Variants in CAMK1D observed in about 807,000 individuals in gnomAD.
CAMK1D encodes calcium/calmodulin-dependent protein kinase type 1D.
Under a neutral mutation model 47.7 loss-of-function variants are expected in CAMK1D, and 9 were observed. The ratio of observed to expected loss-of-function variants is 0.19; its 90% CI spans 0.11 to 0.33. The LOEUF is 0.33. CAMK1D is among the 10% of genes least tolerant of loss of function. The probability of loss-of-function intolerance (pLI) is 1.00; values close to 1 mark genes in which losing one functional copy is unlikely to be tolerated. For missense variants in CAMK1D, 291 were observed against 488.7 expected (o/e 0.60, Z 3.81); for synonymous variants, 184 against 184.9 (o/e 0.99, Z 0.04).
chr10:12,484,200 G>A lies in CAMK1D; in HGVS notation c.93-69025G>A, dbSNP rs141674480. Among the ~76,000 whole-genome samples the A allele has an allele frequency of 5.4e-3, 821 of 152,260 alleles. 6 individuals carry two copies. Among genetic ancestry groups the A allele is most frequent in the African/African-American group, 0.018 (765 of 41,538 alleles). Reference sequence around the variant, plus strand: ...ATGCACCAGCTGGGCTCTGAGCTCCGGCTCAGCCTCCTCCCTGCTTTCAGC... The same window carrying A: ...ATGCACCAGCTGGGCTCTGAGCTCCAGCTCAGCCTCCTCCCTGCTTTCAGC... On this transcript the variant is annotated intron_variant, in intron 1 of 10. Transcript: ENST00000619168.
intron 2 of CAMK1D, among the ~76,000 whole-genome samples, chr10:12,605,378 AAG>A (rs201134594): frequency 0.015 from 1,556 of 100,786 alleles, 27 homozygotes; most frequent in African/African-American, 0.047. Context: ...ATGTGTGTCA[AAG>A]AGAGAGACAG....
chr10:12,828,405 C>T (rs533442220), intron 10 of CAMK1D, among the ~76,000 whole-genome samples: 72 of 152,252 alleles, frequency 4.7e-4, no homozygotes, highest in Admixed American at 1.9e-3. Context: ...CTTTGGGAGG[C>T]TGAGGTGGGT....
At chr10:12,801,354 T>TA (rs57429397) in intron 6 of CAMK1D, among the ~76,000 whole-genome samples, 13 of 66,566 alleles carry the variant, frequency 2.0e-4, no homozygotes, top group South Asian at 1.6e-3. Context: ...TCTATCTATC[T>TA]TATCTATCTA....
At chr10:12,629,886 C>T (rs1054515153) in intron 2 of CAMK1D, among the ~76,000 whole-genome samples, 1 of 152,146 alleles carries the variant, frequency 6.6e-6, no homozygotes, top group Non-Finnish European at 1.5e-5. Context: ...CCTCCCAGGG[C>T]AGTGAATGAA....
At chr10:12,699,222 G>T (rs1012706388) in intron 3 of CAMK1D, among the ~76,000 whole-genome samples, 1 of 152,060 alleles carries the variant, frequency 6.6e-6, no homozygotes, top group African/African-American at 2.4e-5. Context: ...TTATTTTATG[G>T]CCTTCCAGAA....
intron 2 of CAMK1D, among the ~76,000 whole-genome samples, chr10:12,627,207 G>T (rs570050581): frequency 1.1e-4 from 17 of 150,996 alleles, no homozygotes; most frequent in Non-Finnish European, 1.5e-4. Flanking sequence ...TCAGCTTCCC[G>T]AGTAGCTGGG....
intron 3 of CAMK1D, among the ~76,000 whole-genome samples, chr10:12,668,390 CTTGT>C (rs1840500486): frequency 1.3e-5 from 2 of 152,182 alleles, no homozygotes; most frequent in South Asian, 4.1e-4. Flanking sequence ...TATGGATCTA[CTTGT>C]TTAAGTTTTG....
At chr10:12,623,604 G>C (rs1053748953) in intron 2 of CAMK1D, among the ~76,000 whole-genome samples, 1 of 150,688 alleles carries the variant, frequency 6.6e-6, no homozygotes, top group Non-Finnish European at 1.5e-5. Context: ...AACATTCTGA[G>C]GAACAAACTT....
In CAMK1D at chr10:12,734,420, A is replaced by G. The variant is rs1300837689; in HGVS notation, c.300-26528A>G. 7.0e-5 allele frequency among the ~76,000 whole-genome samples: 3 copies of G among 42,702 alleles called. No homozygotes were observed. In the South Asian group the frequency reaches 2.1e-3, roughly 30 times the overall value. 28.0% of individuals were successfully genotyped at this position (42,702 alleles called of 152,430 possible). A position where few individuals can be genotyped will look rare whatever the true frequency, so the allele number is the denominator to read the frequency against. On this transcript the variant is annotated intron_variant, in intron 3 of 10. Coordinates refer to ENST00000619168, the MANE Select transcript of CAMK1D (RefSeq NM_153498.4). ...TATATATATATACACACACACACAC[A>G]TGTATATATATATACACACACACAT...
chr10:12,435,192 C>T (rs1330656634), intron 1 of CAMK1D, among the ~76,000 whole-genome samples: 2 of 133,528 alleles, frequency 1.5e-5, no homozygotes, highest in East Asian at 2.2e-4. Flanking sequence ...CACTGCACTC[C>T]GGCATGGGCG....
chr10:12,786,446 C>T (rs1311837743), intron 5 of CAMK1D, among the ~76,000 whole-genome samples: 3 of 152,308 alleles, frequency 2.0e-5, no homozygotes, highest in Non-Finnish European at 4.4e-5. Flanking sequence ...AAATTTCCAT[C>T]GCCAATATTG....
At chr10:12,419,637 A>G (rs936633013) in intron 1 of CAMK1D, among the ~76,000 whole-genome samples, 2 of 103,652 alleles carry the variant, frequency 1.9e-5, no homozygotes, top group East Asian at 6.7e-4. Flanking sequence ...CAGAAGAGAA[A>G]ATGCACACAC....
intron 2 of CAMK1D, among the ~76,000 whole-genome samples, chr10:12,555,530 G>T (rs1836733186): frequency 6.6e-6 from 1 of 152,196 alleles, no homozygotes; most frequent in Non-Finnish European, 1.5e-5. Context: ...GAGAATCTGG[G>T]AAAACAAATT....
At chr10:12,466,311 G>A (rs1833587740) in intron 1 of CAMK1D, among the ~76,000 whole-genome samples, 1 of 152,190 alleles carries the variant, frequency 6.6e-6, no homozygotes, top group African/African-American at 2.4e-5. Context: ...GGGAGGCTGA[G>A]GCAGGAGAAT....
chr10:12,782,454 T>C (rs905309701), intron 5 of CAMK1D, among the ~76,000 whole-genome samples: 1 of 152,180 alleles, frequency 6.6e-6, no homozygotes, highest in African/African-American at 2.4e-5. Flanking sequence ...CTTAATTTTA[T>C]TTTTCCTGAT....
chr10:12,431,144 T>C (rs538633933), intron 1 of CAMK1D, among the ~76,000 whole-genome samples: 2 of 152,360 alleles, frequency 1.3e-5, no homozygotes, highest in South Asian at 4.1e-4. Context: ...AATTATGCTT[T>C]CTCCACCTTG....
intron 2 of CAMK1D, among the ~76,000 whole-genome samples, chr10:12,616,983 G>A (rs949121717): frequency 2.6e-5 from 4 of 151,990 alleles, no homozygotes; most frequent in Non-Finnish European, 2.9e-5. Context: ...GTGGTGACTG[G>A]AAGTGTAGCT....
chr10:12,594,281 A>T (rs970045495), intron 2 of CAMK1D, among the ~76,000 whole-genome samples: 1 of 152,242 alleles, frequency 6.6e-6, no homozygotes, highest in East Asian at 1.9e-4. Context: ...GCAAGAAAAA[A>T]TAACAGGCAC....
chr10:12,454,632 T>A (rs1833188631), intron 1 of CAMK1D, among the ~76,000 whole-genome samples: 1 of 152,150 alleles, frequency 6.6e-6, no homozygotes, highest in South Asian at 2.1e-4. Flanking sequence ...CTGGCAAATT[T>A]TAAAATTTTT....
Sources: allele counts gnomAD v4.1 joint callset (sites outside exome capture counted in the v4.1 genomes callset), GRCh38; gene constraint gnomAD v4.1.1; transcripts MANE v1.5; gene names NCBI Gene and HGNC (gene_info 2026-07-23, HGNC 2026-07-21).